The following KLHL2 variants were observed in gnomAD, a reference collection of about 807,000 sequenced individuals.
KLHL2 encodes kelch like family member 2, also known as kelch-like protein 2.
In KLHL2, 15 loss-of-function variants were observed where a neutral mutation model predicts 75.8. The ratio of observed to expected loss-of-function variants is 0.20; its 90% CI spans 0.13 to 0.30. KLHL2 has a LOEUF of 0.30. Ranked by LOEUF, KLHL2 falls within the 10% of genes least tolerant of loss-of-function variation. The pLI is 1.00. For synonymous variants in KLHL2, 214 were observed against 251.9 expected, an observed-to-expected ratio of 0.85 and a Z score of 1.42; for missense variants, 381 against 741.0, an observed-to-expected ratio of 0.51 and a Z score of 5.64.
At chr4:165,285,436 C>T (rs1337636415) in intron 5 of KLHL2, among the ~76,000 whole-genome samples, 14 of 151,706 alleles carry the variant, frequency 9.2e-5, no homozygotes, top group Non-Finnish European at 1.9e-4. Flanking sequence ...GATGGAGTTT[C>T]GTTCTTGTTC....
chr4:165,229,088 G>A (rs956352553), intron 3 of KLHL2, among the ~76,000 whole-genome samples, 175 bp downstream of exon 3: 2 of 152,028 alleles, frequency 1.3e-5, no homozygotes, highest in African/African-American at 2.4e-5. Flanking sequence ...CATTGTTGGA[G>A]GTCAGTAAGC....
chr4:165,318,710 C>T (rs939463308), intron 14 of KLHL2, among the ~76,000 whole-genome samples: 34 of 151,920 alleles, frequency 2.2e-4, no homozygotes, highest in African/African-American at 6.8e-4. Flanking sequence ...GAATACATAG[C>T]GTACAGTTGA....
chr4:165,234,689 A>C (rs1381590779), intron 3 of KLHL2, among the ~76,000 whole-genome samples: 1 of 143,332 alleles, frequency 7.0e-6, no homozygotes, highest in Non-Finnish European at 1.5e-5. Flanking sequence ...ATCTCAGCTC[A>C]CTGCAGCCTC....
At chr4:165,252,922 T>C (rs1372499294) in intron 4 of KLHL2, among the ~76,000 whole-genome samples, 5 of 152,240 alleles carry the variant, frequency 3.3e-5, no homozygotes, top group Non-Finnish European at 5.9e-5. Context: ...GGGAGTTTGG[T>C]TCCATGACTT....
intron 4 of KLHL2, among the ~76,000 whole-genome samples, chr4:165,244,448 T>C (rs1252002538): frequency 2.0e-5 from 3 of 152,168 alleles, no homozygotes; most frequent in Non-Finnish European, 4.4e-5. Flanking sequence ...GTAGGTAAAG[T>C]AGATTTTGGT....
At position 165,294,341 on chromosome 4, in the gene KLHL2, T is replaced by C; in HGVS notation, c.545-18T>C. On this transcript the variant is annotated intron_variant, in intron 5 of 14. Transcript: ENST00000226725. ...GGAATGTTGATGTTAGTGGATTTTC[T>C]TTTTAATTCCCAAACAGAGCAACAT... The C allele has an allele frequency of 3.4e-6, 5 of 1,457,740 alleles. No homozygotes were observed. The highest frequency in any genetic ancestry group is 4.8e-6 in the Non-Finnish European group (5 of 1,042,894). The allele number at this position is 1,457,740 out of a possible 1,614,324, so 90.3% of individuals were successfully genotyped here.
At position 165,319,257 on chromosome 4, in the gene KLHL2, TTC is replaced by T. The variant is rs1466731709; in HGVS notation, c.1753+1295_1753+1296del. Among the ~76,000 whole-genome samples the T allele has an allele frequency of 1.3e-5, 2 of 152,226 alleles. No homozygotes were observed. The highest frequency in any genetic ancestry group is 2.9e-5 in the Non-Finnish European group (2 of 68,038). ...CAGCGATGCGTATCTCAGTAAAAAG[TTC>T]TCTCTCATGGTTCTGCCTTATTTTT... On this transcript the variant is annotated intron_variant, in intron 14 of 14. Transcript: ENST00000226725. This position sits in a 1 kb window ranked among gnomAD's most constrained non-coding sequence, Gnocchi z 4.5.
At chr4:165,236,046 G>C (rs893129482) in intron 3 of KLHL2, among the ~76,000 whole-genome samples, 1 of 152,070 alleles carries the variant, frequency 6.6e-6, no homozygotes, top group African/African-American at 2.4e-5. Context: ...AAAATAATTA[G>C]GAGGTGGCTA....
At chr4:165,243,619 T>C (rs2111126366) in intron 4 of KLHL2, among the ~76,000 whole-genome samples, 1 of 152,380 alleles carries the variant, frequency 6.6e-6, no homozygotes, top group East Asian at 1.9e-4. Context: ...TTATTGGTAA[T>C]AAACAGACTA....
chr4:165,225,980 T>A (rs567754972), intron 2 of KLHL2, among the ~76,000 whole-genome samples: 1 of 152,282 alleles, frequency 6.6e-6, no homozygotes, highest in South Asian at 2.1e-4. Flanking sequence ...CAGCAGGTAT[T>A]ATGTTAGAAG....
chr4:165,282,325 T>G (rs1743754819), intron 5 of KLHL2, among the ~76,000 whole-genome samples: 2 of 152,210 alleles, frequency 1.3e-5, no homozygotes, highest in Non-Finnish European at 2.9e-5. Context: ...GAAAAAGAAT[T>G]CATTCACTGA....
chr4:165,294,812 A>T (rs573947955), intron 6 of KLHL2, among the ~76,000 whole-genome samples: 18 of 152,212 alleles, frequency 1.2e-4, no homozygotes, highest in Non-Finnish European at 2.4e-4. Flanking sequence ...GTTTCTTCCT[A>T]CAACTCAATG....
intron 5 of KLHL2, among the ~76,000 whole-genome samples, chr4:165,268,971 A>G (rs1315093251): frequency 1.3e-5 from 2 of 152,154 alleles, no homozygotes; most frequent in South Asian, 2.1e-4. Flanking sequence ...TTAGGTCTCT[A>G]AGGACTTGCT....
chr4:165,311,809 C>CTGTGTGTGTGTGTGTG (rs60870309), intron 11 of KLHL2, among the ~76,000 whole-genome samples: 6 of 144,890 alleles, frequency 4.1e-5, no homozygotes, highest in Non-Finnish European at 7.6e-5. Flanking sequence ...TCCTTTCTCT[C>CTGTGTGTGTGTGTGTG]TGTGTGTGTG....
rs183946962 is a variant in KLHL2, at chr4:165,282,450, C to T, written c.545-11909C>T. Among the ~76,000 whole-genome samples the T allele has an allele frequency of 3.7e-3, 557 of 152,274 alleles. 4 individuals carry two copies. Among genetic ancestry groups the T allele is most frequent in the South Asian group, 0.019 (94 of 4,824 alleles). On this transcript the variant is annotated intron_variant, in intron 5 of 14. Transcript: ENST00000226725. Reference sequence around the variant, plus strand: ...ATTCAGTGGGAACCAATTATGTATTCGTGTCCAGAAAGGTGTAAGGTGATT... The same window carrying T: ...ATTCAGTGGGAACCAATTATGTATTTGTGTCCAGAAAGGTGTAAGGTGATT...
rs149038481 is a variant in KLHL2 at position 165,320,455 on chromosome 4, C to T, written c.1754-1577C>T. On this transcript the variant is annotated intron_variant, in intron 14 of 14. Coordinates refer to ENST00000226725, the MANE Select transcript of KLHL2 (RefSeq NM_007246.4). ...TTTTTATTTTGATATTGGACAGTGC[C>T]CTTGGCCACCCAGAACCCCATGAGT... is the stretch of plus-strand genomic sequence containing the variant. Among the ~76,000 whole-genome samples, 889 of 152,168 alleles carry T rather than the reference C, an allele frequency of 5.8e-3. 10 individuals carry two copies. Among genetic ancestry groups the T allele is most frequent in the African/African-American group, 0.02 (824 of 41,502 alleles).
intron 5 of KLHL2, among the ~76,000 whole-genome samples, chr4:165,273,653 A>G (rs1240837087): frequency 1.3e-5 from 2 of 152,216 alleles, no homozygotes; most frequent in African/African-American, 4.8e-5. Context: ...CGTGTAAGAC[A>G]TGACTTGCTC....
chr4:165,238,646 C>T, intron 3 of KLHL2, 132 bp from the exon 4 acceptor site: 3 of 1,518,276 alleles, frequency 2.0e-6, no homozygotes, highest in Non-Finnish European at 2.6e-6. Context: ...TATTTTCGGC[C>T]TGCAAAAAGT....
At chr4:165,238,309 T>A (rs1342270006) in intron 3 of KLHL2, among the ~76,000 whole-genome samples, 1 of 152,228 alleles carries the variant, frequency 6.6e-6, no homozygotes, top group Non-Finnish European at 1.5e-5. Context: ...CTGTGTCTGG[T>A]GCAGGCTATG....
Sources: allele counts gnomAD v4.1 joint callset (sites outside exome capture counted in the v4.1 genomes callset), GRCh38; gene constraint gnomAD v4.1.1; non-coding constraint Gnocchi (gnomAD v3.1); transcripts MANE v1.5; gene names NCBI Gene and HGNC (gene_info 2026-07-23, HGNC 2026-07-21).